Variants in SPATA1 observed in about 807,000 individuals in gnomAD.
SPATA1 encodes the protein spermatogenesis associated 1, also known as spermatogenesis-associated protein 1.
SPATA1 carries 57 observed loss-of-function variants against 59.6 expected under a neutral mutation model. The ratio of observed to expected loss-of-function variants is 0.96; its 90% confidence interval spans 0.77 to 1.19. The LOEUF (loss-of-function observed/expected upper bound fraction) is 1.19. Ranked by LOEUF, SPATA1 falls within the 50% of genes most tolerant of loss-of-function variation. SPATA1 has a pLI of 0.00. For synonymous variants in SPATA1, 147 were observed against 163.9 expected (o/e 0.90, Z 0.79); for missense variants, 448 against 480.7 (o/e 0.93, Z 0.64).
chr1:84,562,180 G>C (rs1352874237), intron 4 of SPATA1, among the ~76,000 whole-genome samples: 1 of 152,116 alleles, frequency 6.6e-6, no homozygotes, highest in Non-Finnish European at 1.5e-5. Context: ...TCTCCAAGAG[G>C]GGCGTACAGT....
chr1:84,565,780 A>G (rs1349659068), intron 4 of SPATA1, 81 bp from the exon 14 acceptor site: 5 of 947,968 alleles, frequency 5.3e-6, no homozygotes, highest in Non-Finnish European at 6.9e-6. Flanking sequence ...AAACATCTTA[A>G]TATTTTAATT....
At chr1:84,520,268 A>G (rs1212088286) in intron 2 of SPATA1, 1 of 238,234 alleles carries the variant, frequency 4.2e-6, no homozygotes, top group South Asian at 6.7e-5. Context: ...GGTAAAGTTG[A>G]TGTTAAGAAA....
chr1:84,546,000 ATTAAC>A (rs1454448800), intron 10 of SPATA1, among the ~76,000 whole-genome samples: 1 of 152,216 alleles, frequency 6.6e-6, no homozygotes, highest in Non-Finnish European at 1.5e-5. Context: ...ACTGAAACTC[ATTAAC>A]TTGTTTATTA....
chr1:84,511,687 T>TTTTTTTTTTTC (rs1682565429), intron 1 of SPATA1, among the ~76,000 whole-genome samples: 3 of 142,150 alleles, frequency 2.1e-5, no homozygotes, highest in African/African-American at 5.2e-5. Context: ...TTCTTTTTTT[T>TTTTTTTTTTTC]TTTTTTTTTT....
intron 1 of SPATA1, among the ~76,000 whole-genome samples, chr1:84,511,842 C>T (rs893936480): frequency 6.6e-6 from 1 of 151,818 alleles, no homozygotes; most frequent in Non-Finnish European, 1.5e-5. Flanking sequence ...CCACCATGCC[C>T]GGCCAATTTT....
chr1:84,511,871 G>A (rs1353923388), intron 1 of SPATA1, among the ~76,000 whole-genome samples: 1 of 151,858 alleles, frequency 6.6e-6, no homozygotes, highest in Non-Finnish European at 1.5e-5. Context: ...ATCAGAGGTG[G>A]GGTTTCACCA....
downstream of SPATA1, among the ~76,000 whole-genome samples, chr1:84,556,313 A>G (rs1486585218): frequency 1.3e-5 from 2 of 152,170 alleles, no homozygotes; most frequent in African/African-American, 2.4e-5. Context: ...ACTAAAAATA[A>G]TTTACTTATT....
intron 9 of SPATA1, among the ~76,000 whole-genome samples, chr1:84,544,715 C>T (rs936879710): frequency 2.0e-5 from 3 of 151,672 alleles, no homozygotes; most frequent in Admixed American, 2.0e-4. Flanking sequence ...CGTGCACCAC[C>T]ACACCTGGCT....
chr1:84,520,512 T>G (rs1293594844), intron 2 of SPATA1, 73 bp from the exon 3 acceptor site: 2 of 892,010 alleles, frequency 2.2e-6, no homozygotes, highest in Non-Finnish European at 3.3e-6. Flanking sequence ...TAAACTTAAT[T>G]CTATAGGACA....
At chr1:84,559,551 G>A (rs1361442573) in intron 4 of SPATA1, among the ~76,000 whole-genome samples, 1 of 152,116 alleles carries the variant, frequency 6.6e-6, no homozygotes, top group Non-Finnish European at 1.5e-5. Context: ...ACACCTAGGA[G>A]GCAGAGGTTG....
At chr1:84,560,406 T>C (rs577549005) in intron 4 of SPATA1, among the ~76,000 whole-genome samples, 1 of 152,308 alleles carries the variant, frequency 6.6e-6, no homozygotes, top group South Asian at 2.1e-4. Context: ...CTCAGTCTGT[T>C]TGCATTAGCT....
At chr1:84,529,739 G>GCT (rs994685768) in intron 6 of SPATA1, among the ~76,000 whole-genome samples, 2 of 151,772 alleles carry the variant, frequency 1.3e-5, no homozygotes, top group Admixed American at 6.6e-5. Flanking sequence ...ACCACACCCA[G>GCT]CTAATTTTTG....
At chr1:84,532,210 T>A (rs1323905523) in intron 6 of SPATA1, among the ~76,000 whole-genome samples, 1 of 152,142 alleles carries the variant, frequency 6.6e-6, no homozygotes, top group Non-Finnish European at 1.5e-5. Flanking sequence ...GTAAAGACAA[T>A]TAAGGCCGAA....
chr1:84,529,576 C>CCTTTTT (rs1683373968), intron 6 of SPATA1, among the ~76,000 whole-genome samples: 1 of 91,348 alleles, frequency 1.1e-5, no homozygotes, highest in Non-Finnish European at 2.0e-5. Flanking sequence ...GGTAATATGC[C>CCTTTTT]TTTTTTTTTT....
intron 1 of SPATA1, among the ~76,000 whole-genome samples, chr1:84,511,971 C>T (rs918525953): frequency 6.6e-6 from 1 of 152,098 alleles, no homozygotes; most frequent in Non-Finnish European, 1.5e-5. Context: ...CGTGAGCCAC[C>T]GCGCCTGGCC....
downstream of SPATA1, among the ~76,000 whole-genome samples, chr1:84,555,711 G>A (rs1339242559): frequency 1.3e-5 from 2 of 152,204 alleles, no homozygotes; most frequent in Non-Finnish European, 2.9e-5. Flanking sequence ...CACTTGCGGA[G>A]CTTTTAAAAT....
At position 84,563,288 on chromosome 1, in the gene SPATA1, T is replaced by G. The variant is rs1039771293; in HGVS notation, n.443-2573T>G. 7 of 1,578,108 alleles carry G rather than the reference T, an allele frequency of 4.4e-6. No homozygotes were observed. The African/African-American group carries it at 8.3e-5, about 19-fold the overall frequency. On this transcript the variant is annotated intron_variant and non_coding_transcript_variant, in intron 4 of 4. Coordinates refer to the SPATA1 transcript ENST00000460286. ...GTTATAATAAGGAGCCCGCTGATCT[T>G]TATCCCATAGGTTTCCAGAAATAGA...
chr1:84,544,322 G>A lies in SPATA1; in HGVS notation c.820+18G>A, dbSNP rs537032019. 27 of 1,510,350 alleles carry A rather than the reference G, an allele frequency of 1.8e-5. No individual in the cohort carries two copies. Among genetic ancestry groups the A allele is most frequent in the Non-Finnish European group, 2.3e-5 (25 of 1,107,394 alleles). The allele number at this position is 1,510,350 out of a possible 1,614,324, so 93.6% of individuals were successfully genotyped here. A position where few individuals can be genotyped will look rare whatever the true frequency, so the allele number is the denominator to read the frequency against. The stretch of plus-strand genomic sequence containing the variant: ...AACTGAAAGTAAGTATAGTGCAATC[G>A]TAAGTACAGATGATTCTGTGAGGTA... On this transcript the variant is annotated intron_variant, in intron 9 of 12. Coordinates refer to ENST00000490879, the Ensembl canonical transcript of SPATA1.
chr1:84,542,152 C>T (rs533799697), intron 8 of SPATA1, among the ~76,000 whole-genome samples: 1 of 152,090 alleles, frequency 6.6e-6, no homozygotes, highest in African/African-American at 2.4e-5. Flanking sequence ...TTAGTAGAGA[C>T]GGGGTTTCAC....
Sources: allele counts gnomAD v4.1 joint callset (sites outside exome capture counted in the v4.1 genomes callset), GRCh38; gene constraint gnomAD v4.1.1; transcripts MANE v1.5; gene names NCBI Gene and HGNC (gene_info 2026-07-23, HGNC 2026-07-21).